CCDC91: variants seen among roughly 807,000 people sequenced by gnomAD.
CCDC91 encodes the protein coiled-coil domain containing 91, also known as coiled-coil domain-containing protein 91.
CCDC91 carries 48 observed loss-of-function variants against 63.2 expected under a neutral mutation model. The ratio of observed to expected loss-of-function variants is 0.76; its 90% CI spans 0.60 to 0.97. The LOEUF is 0.97. Ranked by LOEUF, CCDC91 falls within the 50% of genes least tolerant of loss-of-function variation. The probability of loss-of-function intolerance (pLI) is 0.00; values close to 1 mark genes in which losing one functional copy is unlikely to be tolerated. For synonymous variants in CCDC91, 167 were observed against 165.8 expected (o/e 1.01, Z -0.06); for missense variants, 500 against 494.6 (o/e 1.01, Z -0.10).
intron 7 of CCDC91, among the ~76,000 whole-genome samples, chr12:28,374,145 C>A (rs1944799447): frequency 6.6e-6 from 1 of 152,116 alleles, no homozygotes; most frequent in African/African-American, 2.4e-5. Context: ...TATTGCCATT[C>A]CAGAAGTTCC....
chr12:28,545,648 G>A (rs1942937054), intron 12 of CCDC91, among the ~76,000 whole-genome samples: 2 of 152,168 alleles, frequency 1.3e-5, no homozygotes, highest in South Asian at 4.1e-4. Context: ...TGTGAAGTGA[G>A]CCTTGGCAGC....
intron 3 of CCDC91, among the ~76,000 whole-genome samples, chr12:28,295,814 A>G (rs1949529969): frequency 6.6e-6 from 1 of 152,038 alleles, no homozygotes. Context: ...TTTTAAAATG[A>G]TGTGTTCGAA....
rs568312977 is a variant in CCDC91, at chr12:28,375,221, G to A, written c.654+12706G>A. On this transcript the variant is annotated intron_variant, in intron 7 of 12. Coordinates refer to ENST00000536442, the MANE Select transcript of CCDC91 (RefSeq NM_018318.5). ...CATAAGAGTGTTGTGGGGATGCAGT[G>A]AGAAAAATGAATATTGCATGGCTAA... is the stretch of plus-strand genomic sequence containing the variant. 4.6e-5 allele frequency among the ~76,000 whole-genome samples: 7 copies of A among 151,982 alleles called. No homozygotes were observed. In the East Asian group the frequency reaches 9.7e-4, roughly 21 times the overall value.
intron 10 of CCDC91, 59 bp downstream of exon 10, chr12:28,450,477 T>C: frequency 2.7e-6 from 3 of 1,096,740 alleles, no homozygotes; most frequent in Non-Finnish European, 4.1e-6. Flanking sequence ...AAATGGAATA[T>C]ATTAATAGTA....
chr12:28,437,910 A>T (rs926518894), intron 8 of CCDC91, among the ~76,000 whole-genome samples: 2 of 152,152 alleles, frequency 1.3e-5, no homozygotes, highest in African/African-American at 2.4e-5. Context: ...TAAAGGTCTG[A>T]TTCTAACTGT....
At chr12:28,324,472 C>T (rs1051895407) in intron 6 of CCDC91, among the ~76,000 whole-genome samples, 14 of 151,814 alleles carry the variant, frequency 9.2e-5, no homozygotes, top group African/African-American at 3.4e-4. Flanking sequence ...ATGCCATTGC[C>T]CTAGCCTAGG....
chr12:28,197,109 C>T (rs1591942219), intron 1 of CCDC91, among the ~76,000 whole-genome samples: 1 of 152,076 alleles, frequency 6.6e-6, no homozygotes, highest in East Asian at 1.9e-4. Context: ...AAAGTATATA[C>T]ATTTTTTTTT....
At chr12:28,438,218 C>G (rs1024708668) in intron 8 of CCDC91, among the ~76,000 whole-genome samples, 2 of 152,090 alleles carry the variant, frequency 1.3e-5, no homozygotes, top group African/African-American at 4.8e-5. Flanking sequence ...TTTGTAATGT[C>G]CATATCTCCG....
intron 8 of CCDC91, among the ~76,000 whole-genome samples, chr12:28,411,401 A>G (rs1245605842): frequency 1.3e-5 from 2 of 152,218 alleles, no homozygotes; most frequent in Admixed American, 6.5e-5. Flanking sequence ...TTGTAATTAA[A>G]TTGAACAAAC....
intron 8 of CCDC91, among the ~76,000 whole-genome samples, chr12:28,440,736 T>G (rs1392398315): frequency 6.6e-6 from 1 of 151,760 alleles, no homozygotes; most frequent in Non-Finnish European, 1.5e-5. Context: ...AAAAGAGAAC[T>G]AAAAATATAT....
chr12:28,248,423 G>C (rs1945906768), intron 1 of CCDC91, among the ~76,000 whole-genome samples: 1 of 151,434 alleles, frequency 6.6e-6, no homozygotes. Context: ...TCCAGGGAGT[G>C]TATCTAAAGT....
intron 11 of CCDC91, among the ~76,000 whole-genome samples, chr12:28,471,541 G>A (rs1260441629): frequency 6.6e-6 from 1 of 152,122 alleles, no homozygotes; most frequent in East Asian, 1.9e-4. Flanking sequence ...TCTCAGAATG[G>A]ACATTTATTT....
intron 6 of CCDC91, among the ~76,000 whole-genome samples, chr12:28,324,675 G>T (rs1439828872): frequency 2.0e-5 from 3 of 150,858 alleles, no homozygotes. Flanking sequence ...TTCCTTACTT[G>T]TAAAATAATA....
chr12:28,333,930 A>G (rs1941718845), intron 6 of CCDC91, among the ~76,000 whole-genome samples: 2 of 152,084 alleles, frequency 1.3e-5, no homozygotes, highest in East Asian at 3.9e-4. Context: ...CTGAGTTATT[A>G]CCTTTTAAAA....
chr12:28,449,496 A>G (rs147313034), intron 8 of CCDC91, among the ~76,000 whole-genome samples: 220 of 152,164 alleles, frequency 1.4e-3, no homozygotes, highest in Non-Finnish European at 2.4e-3. Context: ...ATTCTCAGAA[A>G]GGTCTATTGA....
chr12:28,436,402 A>C (rs1474302794), intron 8 of CCDC91, among the ~76,000 whole-genome samples: 1 of 151,844 alleles, frequency 6.6e-6, no homozygotes, highest in Non-Finnish European at 1.5e-5. Flanking sequence ...AAATTCTTCC[A>C]TTCTGTCCCT....
rs573093489 is a variant in CCDC91, at chr12:28,441,806, C to A, written c.763-8355C>A. ...ATATGGTCAGAGGAAAATATCAGAACACTTGTTGCTTTGGGGAAAGGGAAT... is the reference window on the plus strand; with the variant it reads ...ATATGGTCAGAGGAAAATATCAGAAAACTTGTTGCTTTGGGGAAAGGGAAT... On this transcript the variant is annotated intron_variant, in intron 8 of 12. Transcript: ENST00000536442. Among the ~76,000 whole-genome samples, 5 of 150,850 alleles carry A rather than the reference C, an allele frequency of 3.3e-5. No homozygotes were observed. In the South Asian group the frequency reaches 1.0e-3, roughly 31 times the overall value.
chr12:28,323,792 A>G (rs1940740004), intron 6 of CCDC91, among the ~76,000 whole-genome samples: 1 of 151,906 alleles, frequency 6.6e-6, no homozygotes, highest in South Asian at 2.1e-4. Flanking sequence ...GTAGCTTCTT[A>G]TAGACGGAGT....
intron 7 of CCDC91, among the ~76,000 whole-genome samples, chr12:28,373,649 TA>T (rs1204410075): frequency 1.3e-5 from 2 of 152,140 alleles, no homozygotes; most frequent in African/African-American, 4.8e-5. Context: ...CAATTTGTTG[TA>T]AGACCTTTGA....
Sources: gnomAD v4.1 joint callset for allele counts (sites outside exome capture counted in the v4.1 genomes callset) on GRCh38, gnomAD v4.1.1 for gene constraint, MANE v1.5 for transcripts, NCBI Gene and HGNC (gene_info 2026-07-23, HGNC 2026-07-21) for gene names.